The following ATRNL1 variants were observed in gnomAD, a reference collection of about 807,000 sequenced individuals.
The protein encoded by ATRNL1 is attractin-like protein 1.
In ATRNL1, 95 loss-of-function variants were observed where a neutral mutation model predicts 182.7. That is an observed-to-expected ratio of 0.52 (90% CI 0.44 to 0.62). The LOEUF is 0.62. ATRNL1 is among the 20% of genes least tolerant of loss of function. ATRNL1 has a pLI of 0.00. For synonymous variants in ATRNL1, 576 were observed against 568.3 expected, an observed-to-expected ratio of 1.01 and a Z score of -0.19; for missense variants, 1,471 against 1,679.5, an observed-to-expected ratio of 0.88 and a Z score of 2.17.
intron 13 of ATRNL1, among the ~76,000 whole-genome samples, chr10:115,279,919 G>T (rs758448573): frequency 6.6e-6 from 1 of 152,180 alleles, no homozygotes; most frequent in Non-Finnish European, 1.5e-5. Flanking sequence ...ATACCCTGGT[G>T]AGGCACGACA....
rs148221490 is a variant in ATRNL1 at position 115,113,353 on chromosome 10, A to G, written c.294-6832A>G. On this transcript the variant is annotated intron_variant, in intron 1 of 28. Transcript: ENST00000355044. ...CAAGGGCAATTTTGTGAGAGTTTCT[A>G]TGGAAAATCATTAGGCATCCACCTT... 3.3e-3 allele frequency among the ~76,000 whole-genome samples: 499 copies of G among 152,266 alleles called. 3 individuals carry two copies. Among genetic ancestry groups the G allele is most frequent in the Admixed American group, 5.8e-3 (89 of 15,282 alleles).
intron 27 of ATRNL1, among the ~76,000 whole-genome samples, chr10:115,835,962 C>G (rs955453456): frequency 1.3e-5 from 2 of 152,208 alleles, no homozygotes; most frequent in African/African-American, 2.4e-5. Flanking sequence ...TCTGTCCCCC[C>G]ACACCGATGT....
chr10:115,508,132 T>C (rs1554981768), intron 24 of ATRNL1, among the ~76,000 whole-genome samples: 1 of 152,062 alleles, frequency 6.6e-6, no homozygotes, highest in Non-Finnish European at 1.5e-5. Flanking sequence ...ATTTTTAAAA[T>C]TATTACTATA....
At chr10:115,552,280 A>G (rs955497646) in intron 26 of ATRNL1, among the ~76,000 whole-genome samples, 1 of 151,326 alleles carries the variant, frequency 6.6e-6, no homozygotes, top group African/African-American at 2.4e-5. Context: ...CTCTTTATTC[A>G]GTTTTAAATA....
chr10:115,227,106 C>A (rs1849731061), intron 9 of ATRNL1, among the ~76,000 whole-genome samples: 1 of 152,018 alleles, frequency 6.6e-6, no homozygotes, highest in Non-Finnish European at 1.5e-5. Context: ...CTCTTCACAG[C>A]AAAAGAAACC....
At chr10:115,880,869 G>A (rs1367338539) in intron 28 of ATRNL1, among the ~76,000 whole-genome samples, 2 of 152,204 alleles carry the variant, frequency 1.3e-5, no homozygotes, top group South Asian at 2.1e-4. Context: ...AGAAGAGAAA[G>A]AGAGGAAGCA....
chr10:115,260,144 A>G (rs1554908372), intron 10 of ATRNL1, among the ~76,000 whole-genome samples: 1 of 152,182 alleles, frequency 6.6e-6, no homozygotes, highest in African/African-American at 2.4e-5. Context: ...GTATAATTAC[A>G]TTACTATTAC....
intron 26 of ATRNL1, among the ~76,000 whole-genome samples, chr10:115,607,987 G>A (rs1376983960): frequency 1.3e-5 from 2 of 151,648 alleles, no homozygotes; most frequent in Admixed American, 6.6e-5. Context: ...CACCTAGGAG[G>A]GTATATATTG....
intron 22 of ATRNL1, among the ~76,000 whole-genome samples, chr10:115,466,561 C>T (rs1465936858): frequency 1.3e-5 from 2 of 151,178 alleles, no homozygotes; most frequent in Non-Finnish European, 3.0e-5. Flanking sequence ...AGTCTGTACT[C>T]CACTAATGAA....
At chr10:115,775,180 G>A (rs374329806) in intron 27 of ATRNL1, among the ~76,000 whole-genome samples, 47 of 152,162 alleles carry the variant, frequency 3.1e-4, no homozygotes, top group African/African-American at 1.1e-3. Context: ...GTTTACCCCC[G>A]AATGATCCCT....
chr10:115,427,547 T>C (rs1179806879), intron 21 of ATRNL1, among the ~76,000 whole-genome samples: 14 of 152,160 alleles, frequency 9.2e-5, no homozygotes, highest in African/African-American at 3.4e-4. Context: ...GGTAGAAATA[T>C]TATATTTTTA....
intron 24 of ATRNL1, among the ~76,000 whole-genome samples, chr10:115,498,031 C>T (rs1179948367): frequency 6.6e-6 from 1 of 152,120 alleles, no homozygotes; most frequent in Non-Finnish European, 1.5e-5. Context: ...AGAGTCTTCT[C>T]AAAGAATAAA....
chr10:115,839,501 C>T (rs552106782), intron 27 of ATRNL1, among the ~76,000 whole-genome samples: 1 of 152,158 alleles, frequency 6.6e-6, no homozygotes, highest in Non-Finnish European at 1.5e-5. Flanking sequence ...CCCCAATGAA[C>T]TTCTATCGAT....
At chr10:115,867,023 A>T (rs1951454325) in intron 28 of ATRNL1, among the ~76,000 whole-genome samples, 1 of 152,236 alleles carries the variant, frequency 6.6e-6, no homozygotes. Context: ...AATGCTAATG[A>T]GAAAGTAAAT....
At chr10:115,807,857 T>G (rs1949957023) in intron 27 of ATRNL1, among the ~76,000 whole-genome samples, 1 of 152,180 alleles carries the variant, frequency 6.6e-6, no homozygotes, top group Admixed American at 6.5e-5. Flanking sequence ...TGTTCTTTAT[T>G]ATGTGTTTAT....
chr10:115,537,530 AG>A (rs1852102275), intron 25 of ATRNL1, among the ~76,000 whole-genome samples: 2 of 152,190 alleles, frequency 1.3e-5, no homozygotes, highest in Non-Finnish European at 2.9e-5. Flanking sequence ...AATTAGCCAA[AG>A]TGGTAATTTA....
intron 27 of ATRNL1, among the ~76,000 whole-genome samples, chr10:115,814,892 A>G (rs1251299699): frequency 1.3e-5 from 2 of 152,134 alleles, no homozygotes; most frequent in Non-Finnish European, 2.9e-5. Flanking sequence ...TAAAAAGATG[A>G]TTGTAATGTC....
At chr10:115,278,218 T>C (rs1481038425) in intron 13 of ATRNL1, among the ~76,000 whole-genome samples, 1 of 152,266 alleles carries the variant, frequency 6.6e-6, no homozygotes, top group East Asian at 1.9e-4. Context: ...AAGTTTTCAT[T>C]AGATGGTGCC....
intron 15 of ATRNL1, among the ~76,000 whole-genome samples, chr10:115,293,697 C>T (rs1366450396): frequency 6.6e-6 from 1 of 152,158 alleles, no homozygotes; most frequent in Non-Finnish European, 1.5e-5. Context: ...GATATTATTT[C>T]TCCTTAATTT....
Sources: gnomAD v4.1 joint callset for allele counts (sites outside exome capture counted in the v4.1 genomes callset) on GRCh38, gnomAD v4.1.1 for gene constraint, MANE v1.5 for transcripts, NCBI Gene and HGNC (gene_info 2026-07-23, HGNC 2026-07-21) for gene names.